HK2: variants seen among roughly 807,000 people sequenced by gnomAD.
HK2 encodes hexokinase 2.
In HK2, 42 loss-of-function variants were observed where a neutral mutation model predicts 92.9. That is an observed-to-expected ratio of 0.45 (90% CI 0.35 to 0.58). HK2 has a LOEUF of 0.58. Among genes scored for constraint, HK2 ranks in the 20% least tolerant of loss-of-function variants. HK2 has a pLI of 0.00. For missense variants in HK2, 978 were observed against 1,245.1 expected (o/e 0.79, Z 3.23); for synonymous variants, 422 against 468.0 (o/e 0.90, Z 1.27).
chr2:74,872,992 T>C (rs566181713), intron 4 of HK2, among the ~76,000 whole-genome samples: 3 of 152,242 alleles, frequency 2.0e-5, no homozygotes, highest in Non-Finnish European at 4.4e-5. Context: ...TCTGTGTATC[T>C]AACTAGGCAA....
At chr2:74,872,261 C>T (rs1689115096) in intron 3 of HK2, 39 bp from the exon 4 acceptor site, 1 of 1,611,732 alleles carries the variant, frequency 6.2e-7, no homozygotes, top group Non-Finnish European at 8.5e-7. Flanking sequence ...CTATGCTGTT[C>T]GACCTCTCTG....
intron 15 of HK2, among the ~76,000 whole-genome samples, chr2:74,887,681 G>A (rs181648911): frequency 1.3e-5 from 2 of 152,056 alleles, no homozygotes; most frequent in East Asian, 2.0e-4. Context: ...GGAGCCCCAC[G>A]GGCCTCGGGC....
intron 8 of HK2, 133 bp downstream of exon 8, chr2:74,877,454 C>T: frequency 1.0e-6 from 1 of 983,780 alleles, no homozygotes; most frequent in Non-Finnish European, 1.6e-6. Flanking sequence ...TGACGTGGAC[C>T]ATGGCGGGCC....
At chr2:74,859,167 C>T (rs1688758424) in intron 2 of HK2, among the ~76,000 whole-genome samples, 2 of 152,330 alleles carry the variant, frequency 1.3e-5, no homozygotes, top group East Asian at 1.9e-4. Flanking sequence ...ACCCCCCAAT[C>T]CTTCTATCCA....
chr2:74,854,391 C>T lies in HK2; in HGVS notation c.162C>T (p.Thr54=). 1 of 1,614,180 alleles carries T rather than the reference C, an allele frequency of 6.2e-7. No homozygotes were observed. Among genetic ancestry groups the T allele is most frequent in the Non-Finnish European group, 8.5e-7 (1 of 1,180,026 alleles). ...RKEMEKGLGA[T]THPTAAVKML... ...AGATGGAGAAAGGGCTTGGAGCCAC[C>T]ACTCACCCTACTGCAGCAGTGAAGA... The change falls in exon 2 of 18, where the codon ACC becomes ACT. Residue 54 remains threonine (T), a synonymous_variant. Transcript: ENST00000290573.
chr2:74,890,354 G>C (rs1390212228), intron 17 of HK2, among the ~76,000 whole-genome samples: 1 of 152,248 alleles, frequency 6.6e-6, no homozygotes, highest in African/African-American at 2.4e-5. Context: ...TGGAGCACAT[G>C]TGGCTCTGAT....
chr2:74,853,116 G>C (rs899755879), intron 1 of HK2, among the ~76,000 whole-genome samples: 6 of 152,170 alleles, frequency 3.9e-5, no homozygotes, highest in African/African-American at 1.4e-4. Context: ...GCATGTACCT[G>C]GAGGGCCTGT....
chr2:74,886,583 G>T lies in HK2; in HGVS notation c.2129G>T (p.Gly710Val). The T allele has an allele frequency of 6.2e-7, 1 of 1,614,040 alleles. No homozygotes were observed. Among genetic ancestry groups the T allele is most frequent in the Non-Finnish European group, 8.5e-7 (1 of 1,180,014 alleles). The stretch of plus-strand genomic sequence containing the variant: ...CGGATGTGTGTGAACATGGAATGGG[G>T]GGCCTTCGGGGACAATGGATGCCTA... ...EGRMCVNMEWGAFGDNGCLDD... is the reference protein window; with the variant it reads ...EGRMCVNMEWVAFGDNGCLDD... Residue 710 changes from glycine to valine, a missense_variant, in exon 15 of 18, where the codon GGG becomes GTG. This residue lies in a region of HK2 where 742 missense variants were observed against 922.5 expected (regional missense o/e 0.80). Transcript: ENST00000290573.
At chr2:74,874,213 G>T in intron 6 of HK2, 53 bp from the exon 7 acceptor site, 2 of 1,606,426 alleles carry the variant, frequency 1.2e-6, no homozygotes, top group South Asian at 1.1e-5. Context: ...GAGGGAAGAG[G>T]GGTGGGAAGG....
chr2:74,842,024 C>T (rs911886386), intron 1 of HK2, among the ~76,000 whole-genome samples: 9 of 152,252 alleles, frequency 5.9e-5, no homozygotes, highest in African/African-American at 1.4e-4. Flanking sequence ...CTGCATAACA[C>T]GCAGTGTGAG....
intron 17 of HK2, 134 bp from the exon 18 acceptor site, chr2:74,890,663 A>G (rs1329292364): frequency 4.8e-6 from 5 of 1,036,164 alleles, no homozygotes; most frequent in Non-Finnish European, 7.6e-6. Context: ...AATACATTAT[A>G]GCTGTCATCC....
intron 1 of HK2, among the ~76,000 whole-genome samples, chr2:74,842,161 A>G (rs1688328400): frequency 6.6e-6 from 1 of 152,258 alleles, no homozygotes; most frequent in Non-Finnish European, 1.5e-5. Context: ...ACAGGTGTCA[A>G]GCTCTGAGAA....
At chr2:74,843,453 GCCCT>G (rs1300952467) in intron 1 of HK2, among the ~76,000 whole-genome samples, 1 of 152,146 alleles carries the variant, frequency 6.6e-6, no homozygotes, top group African/African-American at 2.4e-5. Flanking sequence ...CTAAAATGCT[GCCCT>G]CTTTTAGGGG....
intron 11 of HK2, 47 bp from the exon 12 acceptor site, chr2:74,882,054 GGCCCTACTGGGGGCAGCCT>G: frequency 6.6e-7 from 1 of 1,516,080 alleles, no homozygotes; most frequent in South Asian, 1.1e-5. Context: ...GTTGTGCGCA[GGCCCTACTGGGGGCAGCCT>G]GCCCTGCCCA....
rs1573382516 is a variant in HK2 at position 74,875,760 on chromosome 2, T to A, written c.875+1311T>A. Among the ~76,000 whole-genome samples the A allele has an allele frequency of 3.9e-5, 6 of 152,208 alleles. No individual in the cohort carries two copies. In the South Asian group the frequency reaches 1.2e-3, roughly 32 times the overall value. ...TGTGTCTGCCATGGCTGATGAGAGG[T>A]TTATGAGCTGAAAAGTCACTCAGTG... is the stretch of plus-strand genomic sequence containing the variant. On this transcript the variant is annotated intron_variant, in intron 7 of 17. Transcript: ENST00000290573.
rs148180413 is a variant in HK2, at chr2:74,888,638, T to A, written c.2375+580T>A. Among the ~76,000 whole-genome samples the A allele has an allele frequency of 5.4e-4, 82 of 152,334 alleles. 2 individuals are homozygous for A. In the East Asian group the frequency reaches 8.7e-3, roughly 16 times the overall value. On this transcript the variant is annotated intron_variant, in intron 16 of 17. Coordinates refer to ENST00000290573, the MANE Select transcript of HK2 (RefSeq NM_000189.5). ...AGAAGAACAGGAACTAGACAACTGA[T>A]GTGAGTAGACCCCTCGGGCATCTGC...
At chr2:74,878,079 G>A (rs1689277836) in intron 8 of HK2, among the ~76,000 whole-genome samples, 1 of 152,184 alleles carries the variant, frequency 6.6e-6, no homozygotes, top group Non-Finnish European at 1.5e-5. Flanking sequence ...GTACCCCAAG[G>A]TGATGCAAGA....
intron 7 of HK2, among the ~76,000 whole-genome samples, chr2:74,876,826 T>C (rs1689244418): frequency 2.0e-5 from 3 of 152,228 alleles, no homozygotes; most frequent in Admixed American, 2.0e-4. Context: ...ATTTTAAAAA[T>C]GATTTCCTGG....
intron 2 of HK2, among the ~76,000 whole-genome samples, chr2:74,862,809 G>A (rs550495652): frequency 6.6e-6 from 1 of 152,224 alleles, no homozygotes; most frequent in Non-Finnish European, 1.5e-5. Flanking sequence ...CAAGGTGCGT[G>A]TGTGTATGTG....
Sources: allele counts gnomAD v4.1 joint callset (sites outside exome capture counted in the v4.1 genomes callset), GRCh38; gene constraint gnomAD v4.1.1; regional missense constraint gnomAD v4.1.1; transcripts MANE v1.5; gene names NCBI Gene and HGNC (gene_info 2026-07-23, HGNC 2026-07-21).